LOXHD1: variants seen among roughly 807,000 people sequenced by gnomAD.
The protein encoded by LOXHD1 is lipoxygenase homology PLAT domains 1.
Under a neutral mutation model 248.2 loss-of-function variants are expected in LOXHD1, and 205 were observed. That is an observed-to-expected ratio of 0.83 (90% CI 0.74 to 0.93). LOXHD1 has a LOEUF of 0.93. Among genes scored for constraint, LOXHD1 ranks in the 40% least tolerant of loss-of-function variants. The pLI, the probability that LOXHD1 is intolerant of heterozygous loss-of-function variation, is 0.00. For synonymous variants in LOXHD1, 1,113 were observed against 1,162.8 expected, an observed-to-expected ratio of 0.96 and a Z score of 0.87; for missense variants, 2,930 against 2,971.6, an observed-to-expected ratio of 0.99 and a Z score of 0.33.
chr18:46,560,048 T>TGCCGAGCCC, intron 19 of LOXHD1, 35 bp downstream of exon 19: 1 of 1,226,298 alleles, frequency 8.2e-7, no homozygotes, highest in Non-Finnish European at 1.1e-6. Flanking sequence ...GTCTGGCCAC[T>TGCCGAGCCC]CCCTCCCCAC....
chr18:46,626,393 C>T (rs2038742854), intron 4 of LOXHD1, among the ~76,000 whole-genome samples: 1 of 152,150 alleles, frequency 6.6e-6, no homozygotes, highest in South Asian at 2.1e-4. Context: ...ACAAAATTTG[C>T]CAGGTGTGGT....
intron 4 of LOXHD1, among the ~76,000 whole-genome samples, chr18:46,630,776 G>T (rs908766770): frequency 5.3e-5 from 8 of 152,088 alleles, no homozygotes; most frequent in African/African-American, 1.2e-4. Context: ...GGTATGGGGG[G>T]GGGTGTGAAA....
intron 27 of LOXHD1, among the ~76,000 whole-genome samples, chr18:46,534,023 G>T (rs1434405714): frequency 1.3e-5 from 2 of 152,180 alleles, no homozygotes. Flanking sequence ...GTTGTCTGGG[G>T]TGGATTTTCT....
chr18:46,529,292 G>A lies in LOXHD1; in HGVS notation c.4415C>T (p.Pro1472Leu). ...YSVQIFTGNI[P>L]GAGTDAKVYI... ...CACCTTGGCATCCGTCCCTGCCCCA[G>A]GAATGTTCCCTGTGAAGATCTGCAC... Residue 1472 changes from proline to leucine, a missense_variant, in exon 29 of 41, where the codon CCT becomes CTT. Coordinates refer to ENST00000642948, the MANE Select transcript of LOXHD1 (RefSeq NM_001384474.1). 1 of 1,551,708 alleles carries A rather than the reference G, an allele frequency of 6.4e-7. No homozygotes were observed. The highest frequency in any genetic ancestry group is 8.7e-7 in the Non-Finnish European group (1 of 1,146,916).
chr18:46,495,324 A>G (rs1191930840), intron 37 of LOXHD1, among the ~76,000 whole-genome samples: 3 of 152,234 alleles, frequency 2.0e-5, no homozygotes, highest in Non-Finnish European at 4.4e-5. Context: ...AGAATTAATC[A>G]TTTGTCTTGA....
At chr18:46,603,265 G>T (rs1285755098) in intron 7 of LOXHD1, among the ~76,000 whole-genome samples, 1 of 152,050 alleles carries the variant, frequency 6.6e-6, no homozygotes, top group Non-Finnish European at 1.5e-5. Context: ...TAGAGAGAGA[G>T]AAAGAGCAAG....
chr18:46,597,923 T>G (rs1202629645), intron 8 of LOXHD1, among the ~76,000 whole-genome samples: 1 of 88,332 alleles, frequency 1.1e-5, no homozygotes, highest in African/African-American at 4.8e-5. Context: ...CTGGCTAATT[T>G]TTTGCATTTT....
intron 14 of LOXHD1, among the ~76,000 whole-genome samples, chr18:46,575,123 G>A (rs1222963427): frequency 6.6e-6 from 1 of 152,160 alleles, no homozygotes; most frequent in African/African-American, 2.4e-5. Context: ...TAGACCTCCA[G>A]AGTCCAACCT....
At chr18:46,623,575 CACATGCCCTG>C (rs2038697557) in intron 4 of LOXHD1, among the ~76,000 whole-genome samples, 1 of 152,250 alleles carries the variant, frequency 6.6e-6, no homozygotes, top group African/African-American at 2.4e-5. Flanking sequence ...TCAGTGGATG[CACATGCCCTG>C]ACATGCCCTG....
Position 46,601,435 on chromosome 18 carries a change from C to T in LOXHD1, c.916G>A (p.Asp306Asn), listed in dbSNP as rs769059187. ...GATTTGGTACCAGCCCCCCGGACAT[C>T]CCCAGTGAAGACGGTGACAATATAC... Reference protein sequence around the residue: ...ITYIVTVFTGDVRGAGTKSKI... With the variant: ...ITYIVTVFTGNVRGAGTKSKI... Residue 306 changes from aspartate (D) to asparagine (N), a missense_variant, in exon 8 of 41, where the codon GAT (aspartate) becomes AAT (asparagine). Coordinates refer to ENST00000642948, the MANE Select transcript of LOXHD1 (RefSeq NM_001384474.1). 96 of 1,551,618 alleles carry T rather than the reference C, an allele frequency of 6.2e-5. No individual in the cohort carries two copies. In the African/African-American group the frequency reaches 1.1e-3, roughly 18 times the overall value.
rs574693510 is a variant in LOXHD1 at position 46,608,914 on chromosome 18, C to G, written c.759+1862G>C. Among the ~76,000 whole-genome samples the G allele has an allele frequency of 2.6e-5, 4 of 152,356 alleles. No homozygotes were observed. The South Asian group carries it at 8.3e-4, about 32-fold the overall frequency. On this transcript the variant is annotated intron_variant, in intron 6 of 40. Transcript: ENST00000642948. ...TTCACTCAACACCCTTTCCAATCACCTTCTTCCTAGTCCACTTCTATTCTA... is the reference window on the plus strand; with the variant it reads ...TTCACTCAACACCCTTTCCAATCACGTTCTTCCTAGTCCACTTCTATTCTA...
At chr18:46,619,061 C>T (rs980592556) in intron 4 of LOXHD1, among the ~76,000 whole-genome samples, 1 of 152,128 alleles carries the variant, frequency 6.6e-6, no homozygotes, top group Non-Finnish European at 1.5e-5. Context: ...TGGAGCCTGC[C>T]TTAGAGTGAG....
chr18:46,542,121 A>G (rs114531708), intron 24 of LOXHD1, among the ~76,000 whole-genome samples, 181 bp from the exon 25 acceptor site: 185 of 152,292 alleles, frequency 1.2e-3, no homozygotes, highest in Middle Eastern at 6.8e-3. Flanking sequence ...CAGATGTTGA[A>G]GCTGGATCAC....
Position 46,560,561 on chromosome 18 carries a change from G to A in LOXHD1, c.2599-16C>T. On this transcript the variant is annotated splice_polypyrimidine_tract_variant and intron_variant, in intron 18 of 40. Coordinates refer to ENST00000642948, the MANE Select transcript of LOXHD1 (RefSeq NM_001384474.1). ...CCGCCTCAAGCTGTTCAAAGGGCAG[G>A]GCAGCGGCTGTCGTGGCCCCAGCGT... 6.6e-7 allele frequency: 1 copy of A among 1,512,276 alleles called. No homozygotes were observed. The allele number at this position is 1,512,276 out of a possible 1,614,324, so 93.7% of individuals were successfully genotyped here.
At chr18:46,520,844 C>G in intron 33 of LOXHD1, 1 of 486,330 alleles carries the variant, frequency 2.1e-6, no homozygotes, top group East Asian at 3.3e-5. Context: ...TGCATTATTT[C>G]TAAGCAGTGT....
intron 11 of LOXHD1, 42 bp downstream of exon 11, chr18:46,592,456 C>T (rs754152496): frequency 9.4e-6 from 14 of 1,486,228 alleles, no homozygotes; most frequent in Admixed American, 5.9e-5. Context: ...ATCCTTGTTC[C>T]TTTCCCAACA....
At chr18:46,489,219 C>A in intron 37 of LOXHD1, 77 bp from the exon 38 acceptor site, 1 of 1,460,828 alleles carries the variant, frequency 6.8e-7, no homozygotes. Context: ...TCCCCACAAC[C>A]CATTGGCTGT....
chr18:46,626,918 TAGATTA>T (rs1472959484), intron 4 of LOXHD1, among the ~76,000 whole-genome samples: 8 of 152,228 alleles, frequency 5.3e-5, no homozygotes, highest in African/African-American at 1.9e-4. Flanking sequence ...ATGGATAGAT[TAGATTA>T]AGATTAATAG....
chr18:46,569,291 T>A (rs547143524), intron 16 of LOXHD1, 151 bp downstream of exon 16: 38 of 681,754 alleles, frequency 5.6e-5, no homozygotes, highest in Admixed American at 1.9e-4. Flanking sequence ...TATTCCCAAG[T>A]GTGCTTTTTC....
Sources: allele counts gnomAD v4.1 joint callset (sites outside exome capture counted in the v4.1 genomes callset), GRCh38; gene constraint gnomAD v4.1.1; transcripts MANE v1.5; gene names NCBI Gene and HGNC (gene_info 2026-07-23, HGNC 2026-07-21).